The following PCDH15 variants were observed in gnomAD, a reference collection of about 807,000 sequenced individuals.
PCDH15 encodes the protein protocadherin-15.
Under a neutral mutation model 178.5 loss-of-function variants are expected in PCDH15, and 129 were observed. That is an observed-to-expected ratio of 0.72 (90% CI 0.63 to 0.84). The LOEUF (loss-of-function observed/expected upper bound fraction) is 0.84, where lower values mean the gene tolerates loss of function less well. Among genes scored for constraint, PCDH15 ranks in the 40% least tolerant of loss-of-function variants. The pLI, the probability that PCDH15 is intolerant of heterozygous loss-of-function variation, is 0.00. For missense variants in PCDH15, 2,230 were observed against 2,099.9 expected, an observed-to-expected ratio of 1.06 and a Z score of -1.21; for synonymous variants, 800 against 732.0, an observed-to-expected ratio of 1.09 and a Z score of -1.50.
chr10:54,488,710 T>G (rs2079320029), intron 3 of PCDH15, among the ~76,000 whole-genome samples: 1 of 152,012 alleles, frequency 6.6e-6, no homozygotes, highest in Non-Finnish European at 1.5e-5. Flanking sequence ...GAAGTATCAG[T>G]TATTTTCAGA....
chr10:54,291,686 T>C (rs191772490), intron 8 of PCDH15, among the ~76,000 whole-genome samples: 1 of 152,162 alleles, frequency 6.6e-6, no homozygotes, highest in East Asian at 1.9e-4. Flanking sequence ...GAGAATAGTA[T>C]AAATACCTCT....
intron 3 of PCDH15, among the ~76,000 whole-genome samples, chr10:54,386,147 C>T (rs1409995280): frequency 2.8e-5 from 4 of 143,740 alleles, no homozygotes; most frequent in African/African-American, 1.0e-4. Context: ...TGTGTGTAGA[C>T]TCTTTAGGGC....
chr10:53,898,366 G>C (rs2082109810), intron 26 of PCDH15, among the ~76,000 whole-genome samples: 1 of 152,096 alleles, frequency 6.6e-6, no homozygotes, highest in Non-Finnish European at 1.5e-5. Flanking sequence ...ATTATTTTAA[G>C]TATATAGTAA....
At chr10:55,180,445 T>G (rs1206685656) in intron 1 of PCDH15, among the ~76,000 whole-genome samples, 2 of 152,052 alleles carry the variant, frequency 1.3e-5, no homozygotes, top group Non-Finnish European at 2.9e-5. Flanking sequence ...AGAAGCAAAT[T>G]TATTGTAAAA....
intron 2 of PCDH15, among the ~76,000 whole-genome samples, chr10:55,439,535 G>C (rs770844550): frequency 7.9e-5 from 12 of 151,900 alleles, no homozygotes; most frequent in African/African-American, 2.7e-4. Flanking sequence ...TAAAAGTTGG[G>C]GGGGAGGGAT....
chr10:54,690,305 A>C (rs1008862108), intron 1 of PCDH15, among the ~76,000 whole-genome samples: 1 of 142,708 alleles, frequency 7.0e-6, no homozygotes, highest in Middle Eastern at 3.7e-3. Context: ...TATTTACAAG[A>C]CTACCTTTTT....
At chr10:55,320,127 C>A (rs1843849936), upstream of PCDH15, among the ~76,000 whole-genome samples, 2 of 152,146 alleles carry the variant, frequency 1.3e-5, no homozygotes, top group African/African-American at 4.8e-5. Context: ...TGCCCACGGC[C>A]ACACACCACA....
At chr10:54,167,527 C>T (rs2046355476) in intron 13 of PCDH15, among the ~76,000 whole-genome samples, 1 of 152,026 alleles carries the variant, frequency 6.6e-6, no homozygotes, top group Non-Finnish European at 1.5e-5. Flanking sequence ...GGGTGTCAGA[C>T]CACACAGGGA....
intron 2 of PCDH15, among the ~76,000 whole-genome samples, chr10:55,051,346 G>T (rs1841155118): frequency 6.6e-6 from 1 of 152,082 alleles, no homozygotes; most frequent in Admixed American, 6.6e-5. Context: ...TTAGATTCAT[G>T]AAACTTTTGT....
intron 2 of PCDH15, among the ~76,000 whole-genome samples, chr10:55,551,194 CT>C (rs1841996822): frequency 6.6e-6 from 1 of 151,920 alleles, no homozygotes; most frequent in South Asian, 2.1e-4. Flanking sequence ...CTCTCTTTGT[CT>C]TGTAAGGCTA....
intron 2 of PCDH15, among the ~76,000 whole-genome samples, chr10:55,604,336 C>T (rs1324793946): frequency 1.2e-4 from 18 of 146,804 alleles, no homozygotes; most frequent in Admixed American, 5.5e-4. Flanking sequence ...GACAGATCAA[C>T]GAGACAGAAA....
chr10:55,540,298 G>C (rs1841728405), intron 2 of PCDH15, among the ~76,000 whole-genome samples: 1 of 151,960 alleles, frequency 6.6e-6, no homozygotes, highest in South Asian at 2.1e-4. Flanking sequence ...GAAGAATGCT[G>C]CAAAGTGAAC....
In PCDH15 at chr10:55,442,636, TTTAA is replaced by T. The variant is rs575640715; in HGVS notation, c.-156+184985_-156+184988del. ...GACTCAGAATCAAGTTTCTGAAACT[TTTAA>T]TTAATTAAGCCAAAAAAAAGAGATC... On this transcript the variant is annotated intron_variant, in intron 2 of 5. Coordinates refer to the PCDH15 transcript ENST00000613346. 2.2e-4 allele frequency among the ~76,000 whole-genome samples: 33 copies of T among 151,030 alleles called. No individual in the cohort carries two copies. In the South Asian group the frequency reaches 6.3e-3, roughly 29 times the overall value.
chr10:55,509,873 C>T (rs1840841193), intron 2 of PCDH15, among the ~76,000 whole-genome samples: 2 of 151,756 alleles, frequency 1.3e-5, no homozygotes, highest in Non-Finnish European at 2.9e-5. Context: ...ATTGAAACTC[C>T]CAGCTGGAAG....
intron 1 of PCDH15, among the ~76,000 whole-genome samples, chr10:55,222,176 A>G (rs1453013206): frequency 6.6e-6 from 1 of 151,760 alleles, no homozygotes; most frequent in Non-Finnish European, 1.5e-5. Flanking sequence ...CGCCCAGCCT[A>G]TATAATTTAA....
chr10:55,053,983 T>G (rs1841229043), intron 2 of PCDH15, among the ~76,000 whole-genome samples: 1 of 152,214 alleles, frequency 6.6e-6, no homozygotes, highest in South Asian at 2.1e-4. Context: ...AAGTCTATTT[T>G]TAACTTTCAT....
chr10:55,450,461 C>A (rs779094778), intron 2 of PCDH15, among the ~76,000 whole-genome samples: 1 of 152,140 alleles, frequency 6.6e-6, no homozygotes, highest in Non-Finnish European at 1.5e-5. Context: ...TCTTCAGGAA[C>A]GCACCTAATA....
chr10:54,975,047 C>T (rs900873873), intron 2 of PCDH15, among the ~76,000 whole-genome samples: 1 of 152,062 alleles, frequency 6.6e-6, no homozygotes, highest in Non-Finnish European at 1.5e-5. Context: ...TTGGACACAC[C>T]CTAAAAGTGA....
chr10:55,497,090 A>C (rs1840551369), intron 2 of PCDH15, among the ~76,000 whole-genome samples: 1 of 151,830 alleles, frequency 6.6e-6, no homozygotes, highest in Admixed American at 6.6e-5. Flanking sequence ...TAAATGGAAA[A>C]AATTAAAGGA....
Sources: allele counts gnomAD v4.1 joint callset (sites outside exome capture counted in the v4.1 genomes callset), GRCh38; gene constraint gnomAD v4.1.1; transcripts MANE v1.5; gene names NCBI Gene and HGNC (gene_info 2026-07-23, HGNC 2026-07-21).